Variants in SSH2 observed in about 807,000 individuals in gnomAD.
SSH2 encodes the protein protein phosphatase Slingshot homolog 2.
In SSH2, 37 loss-of-function variants were observed where a neutral mutation model predicts 135.2. The observed-to-expected ratio is 0.27, with a 90% CI of 0.21 to 0.36. SSH2 has a LOEUF of 0.36. SSH2 is among the 10% of genes least tolerant of loss of function. SSH2 has a pLI of 1.00. For synonymous variants in SSH2, 628 were observed against 646.2 expected, an observed-to-expected ratio of 0.97 and a Z score of 0.43; for missense variants, 1,408 against 1,765.3, an observed-to-expected ratio of 0.80 and a Z score of 3.63.
chr17:29,815,670 T>A (rs2042545569), intron 2 of SSH2, among the ~76,000 whole-genome samples: 1 of 152,182 alleles, frequency 6.6e-6, no homozygotes, highest in African/African-American at 2.4e-5. Flanking sequence ...CATCAACAAG[T>A]GAAAGCCTCT....
Position 29,792,468 on chromosome 17 carries a change from A to G in SSH2, c.188+1426T>C, listed in dbSNP as rs149398514. Among the ~76,000 whole-genome samples the G allele has an allele frequency of 2.8e-4, 42 of 152,270 alleles. 1 individual carries two copies. The highest frequency in any genetic ancestry group is 9.6e-4 in the African/African-American group (40 of 41,580). On this transcript the variant is annotated intron_variant, in intron 3 of 15. Coordinates refer to ENST00000540801, the MANE Select transcript of SSH2 (RefSeq NM_001282129.2). ...TTTTGGTTTCTACCTCCTTAGCCCT[A>G]TGCAAAAGAAGGACACTTCTCTTTG...
chr17:29,730,877 A>G (rs1750538019), intron 3 of SSH2, among the ~76,000 whole-genome samples: 1 of 152,212 alleles, frequency 6.6e-6, no homozygotes, highest in Non-Finnish European at 1.5e-5. Context: ...GAAAAATATG[A>G]TAAGGTGACT....
chr17:29,720,744 G>A (rs1044074072), intron 3 of SSH2, among the ~76,000 whole-genome samples: 1 of 152,068 alleles, frequency 6.6e-6, no homozygotes, highest in Non-Finnish European at 1.5e-5. Context: ...AAAAATTAAC[G>A]ATGATGGAGG....
chr17:29,688,037 G>GTTTTTTTTTT, intron 5 of SSH2, among the ~76,000 whole-genome samples: 1 of 150,704 alleles, frequency 6.6e-6, no homozygotes. Flanking sequence ...TCGAGATGGA[G>GTTTTTTTTTT]TCTCACTCTA....
At chr17:29,799,359 A>G (rs1190061897) in intron 2 of SSH2, among the ~76,000 whole-genome samples, 1 of 152,136 alleles carries the variant, frequency 6.6e-6, no homozygotes, top group East Asian at 1.9e-4. Flanking sequence ...GTACCAAATT[A>G]TTTTCCAAAG....
At chr17:29,889,184 C>T (rs989917416) in intron 1 of SSH2, among the ~76,000 whole-genome samples, 1 of 152,050 alleles carries the variant, frequency 6.6e-6, no homozygotes, top group Non-Finnish European at 1.5e-5. Context: ...TGGGGGCTCA[C>T]ACTTGTAATC....
intron 2 of SSH2, among the ~76,000 whole-genome samples, chr17:29,803,794 T>C (rs1307897549): frequency 6.6e-6 from 1 of 152,214 alleles, no homozygotes; most frequent in Non-Finnish European, 1.5e-5. Context: ...GCAAAGCAGC[T>C]AACTCTTAGG....
At chr17:29,740,861 A>G (rs1032763762) in intron 3 of SSH2, among the ~76,000 whole-genome samples, 1 of 152,260 alleles carries the variant, frequency 6.6e-6, no homozygotes, top group African/African-American at 2.4e-5. Context: ...GGACCTAAGC[A>G]AGTCTGTTTG....
At chr17:29,788,690 T>G (rs975497020) in intron 3 of SSH2, among the ~76,000 whole-genome samples, 1 of 151,874 alleles carries the variant, frequency 6.6e-6, no homozygotes, top group Non-Finnish European at 1.5e-5. Context: ...CTCTATGAGA[T>G]ACCCTTTTTG....
intron 2 of SSH2, among the ~76,000 whole-genome samples, chr17:29,795,823 C>T (rs762537589): frequency 3.9e-5 from 6 of 152,116 alleles, no homozygotes; most frequent in Admixed American, 6.5e-5. Flanking sequence ...CTCACTGCAA[C>T]CTCCACCTCC....
intron 1 of SSH2, among the ~76,000 whole-genome samples, chr17:29,854,378 AAAGAT>A (rs1329655650): frequency 6.6e-6 from 1 of 151,896 alleles, no homozygotes; most frequent in Non-Finnish European, 1.5e-5. Context: ...CAAAAACTAC[AAAGAT>A]AAGATATGAC....
intron 1 of SSH2, among the ~76,000 whole-genome samples, chr17:29,889,802 C>CA (rs534822390): frequency 0.039 from 1,952 of 49,440 alleles, 201 homozygotes; most frequent in African/African-American, 0.11. Flanking sequence ...CCATCTCTAC[C>CA]AAAAAAAAAA....
intron 11 of SSH2, among the ~76,000 whole-genome samples, chr17:29,665,701 T>C (rs1313120077): frequency 6.6e-6 from 1 of 152,248 alleles, no homozygotes; most frequent in African/African-American, 2.4e-5. Context: ...ATTTTAATTA[T>C]TCTTGTTAAC....
At chr17:29,853,630 A>C (rs1476287193) in intron 1 of SSH2, among the ~76,000 whole-genome samples, 1 of 151,864 alleles carries the variant, frequency 6.6e-6, no homozygotes, top group Non-Finnish European at 1.5e-5. Flanking sequence ...TCAAGCCCAA[A>C]TCTTAACTAA....
intron 6 of SSH2, among the ~76,000 whole-genome samples, chr17:29,680,452 G>A (rs975948569): frequency 7.4e-5 from 11 of 148,876 alleles, no homozygotes; most frequent in East Asian, 2.0e-4. Flanking sequence ...TCGGGAGGCT[G>A]AGGCAGGAGA....
intron 2 of SSH2, among the ~76,000 whole-genome samples, chr17:29,809,733 T>A (rs1020567733): frequency 5.3e-5 from 8 of 151,900 alleles, no homozygotes; most frequent in African/African-American, 9.7e-5. Flanking sequence ...TTAAAAAAAA[T>A]TTTTTTTAGA....
intron 3 of SSH2, among the ~76,000 whole-genome samples, chr17:29,709,015 T>TATATATAGAGAGAGAGAGAGAG (rs780981175): frequency 7.4e-5 from 6 of 81,594 alleles, no homozygotes; most frequent in Non-Finnish European, 1.2e-4. Context: ...TATATATATA[T>TATATATAGAGAGAGAGAGAGAG]AGAGAGAGAG....
chr17:29,743,612 G>A (rs1158070416), intron 3 of SSH2, among the ~76,000 whole-genome samples: 2 of 152,154 alleles, frequency 1.3e-5, no homozygotes, highest in African/African-American at 4.8e-5. Flanking sequence ...ATAAGCCCCG[G>A]CACACTAATA....
intron 2 of SSH2, chr17:29,838,902 G>C (rs1172667678): frequency 5.7e-6 from 1 of 174,326 alleles, no homozygotes; most frequent in African/African-American, 2.4e-5. Context: ...AACACAAACA[G>C]GGCTGAAACG....
Sources: allele counts gnomAD v4.1 joint callset (sites outside exome capture counted in the v4.1 genomes callset), GRCh38; gene constraint gnomAD v4.1.1; transcripts MANE v1.5; gene names NCBI Gene and HGNC (gene_info 2026-07-23, HGNC 2026-07-21).